The following MSRA variants were observed in gnomAD, a reference collection of about 807,000 sequenced individuals.
MSRA encodes the protein methionine sulfoxide reductase A.
A neutral mutation model predicts 31.3 loss-of-function variants in MSRA; 54 were observed. That is an observed-to-expected ratio of 1.73 (90% CI 1.39 to 2.17). The LOEUF (loss-of-function observed/expected upper bound fraction) is 2.17, where lower values mean the gene tolerates loss of function less well. MSRA is among the 30% of genes most tolerant of loss of function. The pLI, the probability that MSRA is intolerant of heterozygous loss-of-function variation, is 0.00. For missense variants in MSRA, 507 were observed against 300.9 expected (o/e 1.69, Z -5.07); for synonymous variants, 169 against 116.5 (o/e 1.45, Z -2.90).
intron 1 of MSRA, among the ~76,000 whole-genome samples, chr8:10,126,262 C>G (rs1801488113): frequency 6.6e-6 from 1 of 152,124 alleles, no homozygotes; most frequent in Non-Finnish European, 1.5e-5. Flanking sequence ...TTAGTTACTT[C>G]TTTTTTAAAT....
chr8:10,300,346 C>T (rs1800776306), intron 3 of MSRA, among the ~76,000 whole-genome samples: 2 of 152,006 alleles, frequency 1.3e-5, no homozygotes, highest in African/African-American at 4.8e-5. Flanking sequence ...ACCTCCACCT[C>T]TCAGGTTCAA....
intron 3 of MSRA, among the ~76,000 whole-genome samples, chr8:10,276,520 G>A (rs1292421663): frequency 1.3e-5 from 2 of 152,188 alleles, no homozygotes; most frequent in South Asian, 2.1e-4. Context: ...AAGGCATTAA[G>A]CCCAAAATTA....
chr8:10,064,704 C>G lies in MSRA; in HGVS notation c.142+10046C>G, dbSNP rs565314110. Among the ~76,000 whole-genome samples the G allele has an allele frequency of 1.9e-3, 289 of 152,188 alleles. 10 individuals are homozygous for G. In the South Asian group the frequency reaches 0.052, roughly 28 times the overall value. ...TCCTTTAAAAAGTTTTCGTATTTTA[C>G]CTTTGATTTAAAAAAATTAGTTTAC... On this transcript the variant is annotated intron_variant, in intron 1 of 5. Transcript: ENST00000317173.
intron 3 of MSRA, among the ~76,000 whole-genome samples, chr8:10,301,023 C>T (rs1800815491): frequency 6.6e-6 from 1 of 152,176 alleles, no homozygotes; most frequent in Admixed American, 6.5e-5. Context: ...GTTAACAGCA[C>T]AGCACGTATG....
chr8:10,248,951 T>C (rs552633769), intron 3 of MSRA, among the ~76,000 whole-genome samples: 1 of 152,258 alleles, frequency 6.6e-6, no homozygotes, highest in African/African-American at 2.4e-5. Flanking sequence ...GAGAGATTGG[T>C]TTCTGTGTCT....
intron 1 of MSRA, among the ~76,000 whole-genome samples, chr8:10,132,460 A>G (rs965290108): frequency 6.6e-6 from 1 of 152,114 alleles, no homozygotes; most frequent in Non-Finnish European, 1.5e-5. Flanking sequence ...TTCAACAACA[A>G]ATTTATTTCC....
intron 1 of MSRA, among the ~76,000 whole-genome samples, chr8:10,089,175 TGATG>T (rs1798736513): frequency 2.0e-5 from 3 of 152,062 alleles, no homozygotes; most frequent in Non-Finnish European, 4.4e-5. Flanking sequence ...AACTCTGAGG[TGATG>T]GATATGTTAG....
intron 5 of MSRA, among the ~76,000 whole-genome samples, chr8:10,420,128 A>G (rs905576832): frequency 1.3e-5 from 2 of 152,184 alleles, no homozygotes; most frequent in African/African-American, 2.4e-5. Context: ...ATTCTGACGC[A>G]TGCCACCTCC....
At chr8:10,400,176 G>C (rs1350327135) in intron 5 of MSRA, among the ~76,000 whole-genome samples, 1 of 152,066 alleles carries the variant, frequency 6.6e-6, no homozygotes, top group Non-Finnish European at 1.5e-5. Flanking sequence ...CATGTTACGT[G>C]ATCACTCTGG....
chr8:10,232,868 T>C (rs929273462), intron 2 of MSRA, among the ~76,000 whole-genome samples: 1 of 152,238 alleles, frequency 6.6e-6, no homozygotes, highest in African/African-American at 2.4e-5. Flanking sequence ...TAAATTTGAT[T>C]CAGTGACACA....
intron 5 of MSRA, among the ~76,000 whole-genome samples, chr8:10,394,925 C>G (rs1185620381): frequency 1.3e-5 from 2 of 152,196 alleles, no homozygotes; most frequent in East Asian, 3.9e-4. Context: ...TCAGTTCAAT[C>G]CACATATGAA....
intron 3 of MSRA, among the ~76,000 whole-genome samples, chr8:10,253,996 A>G (rs948396997): frequency 5.3e-5 from 8 of 151,962 alleles, no homozygotes; most frequent in African/African-American, 1.9e-4. Context: ...GCGGCTTGGG[A>G]AGAGGTCACT....
chr8:10,345,463 A>G (rs947536222), intron 5 of MSRA, among the ~76,000 whole-genome samples: 1 of 152,190 alleles, frequency 6.6e-6, no homozygotes, highest in African/African-American at 2.4e-5. Context: ...CCAAGGGTCC[A>G]CCATTATCAC....
chr8:10,148,830 CAAA>C (rs111353661), intron 1 of MSRA, among the ~76,000 whole-genome samples: 3 of 134,590 alleles, frequency 2.2e-5, no homozygotes, highest in East Asian at 4.3e-4. Flanking sequence ...AACTCTGTCT[CAAA>C]AAAAAAAAAA....
chr8:10,070,278 T>C (rs1041242711), intron 1 of MSRA, among the ~76,000 whole-genome samples: 4 of 152,176 alleles, frequency 2.6e-5, no homozygotes, highest in African/African-American at 9.7e-5. Context: ...GTATTGTTAG[T>C]TCTGGAAACT....
At chr8:10,221,865 A>G (rs1349276885) in intron 2 of MSRA, among the ~76,000 whole-genome samples, 3 of 152,120 alleles carry the variant, frequency 2.0e-5, no homozygotes, top group Non-Finnish European at 4.4e-5. Flanking sequence ...TCCCAGGCAG[A>G]AGGAATGCAA....
intron 5 of MSRA, among the ~76,000 whole-genome samples, chr8:10,419,793 C>T (rs1200405622): frequency 6.6e-6 from 1 of 152,152 alleles, no homozygotes; most frequent in East Asian, 1.9e-4. Flanking sequence ...TCAGGTGACC[C>T]AGGACAAGCT....
chr8:10,120,146 C>G (rs973866220), intron 1 of MSRA, among the ~76,000 whole-genome samples: 5 of 152,082 alleles, frequency 3.3e-5, no homozygotes, highest in Non-Finnish European at 7.3e-5. Flanking sequence ...TCAAGGGAGC[C>G]CATTGATACA....
At chr8:10,419,524 G>A (rs536601589) in intron 5 of MSRA, among the ~76,000 whole-genome samples, 5 of 152,306 alleles carry the variant, frequency 3.3e-5, no homozygotes, top group African/African-American at 9.6e-5. Flanking sequence ...GCCTGATGAC[G>A]TGAGATGGTG....
Sources: allele counts gnomAD v4.1 joint callset (sites outside exome capture counted in the v4.1 genomes callset), GRCh38; gene constraint gnomAD v4.1.1; transcripts MANE v1.5; gene names NCBI Gene and HGNC (gene_info 2026-07-23, HGNC 2026-07-21).